The following WDR72 variants were observed in gnomAD, a reference collection of about 807,000 sequenced individuals.
WDR72 encodes the protein WD repeat-containing protein 72.
WDR72 carries 120 observed loss-of-function variants against 124.2 expected under a neutral mutation model. The ratio of observed to expected loss-of-function variants is 0.97; its 90% confidence interval spans 0.83 to 1.12. The LOEUF is 1.12. Ranked by LOEUF, WDR72 falls within the 50% of genes most tolerant of loss-of-function variation. WDR72 has a pLI of 0.00. For missense variants in WDR72, 1,387 were observed against 1,278.8 expected (o/e 1.08, Z -1.29); for synonymous variants, 452 against 441.7 (o/e 1.02, Z -0.29).
chr15:53,670,422 C>T (rs2015945449), intron 13 of WDR72, among the ~76,000 whole-genome samples: 1 of 152,138 alleles, frequency 6.6e-6, no homozygotes, highest in Admixed American at 6.6e-5. Context: ...CACTGCTTTC[C>T]CTGTCAGTTC....
At chr15:53,546,198 T>C (rs1350792130) in intron 18 of WDR72, among the ~76,000 whole-genome samples, 6 of 147,880 alleles carry the variant, frequency 4.1e-5, no homozygotes, top group African/African-American at 9.9e-5. Flanking sequence ...CATGCTGCTA[T>C]AAAGACACAT....
intron 14 of WDR72, among the ~76,000 whole-genome samples, chr15:53,637,258 A>G (rs1428655727): frequency 1.3e-5 from 2 of 152,168 alleles, no homozygotes; most frequent in Non-Finnish European, 2.9e-5. Context: ...AAAATGTATT[A>G]ACATTAGGAT....
intron 13 of WDR72, among the ~76,000 whole-genome samples, chr15:53,697,411 CTATG>C (rs1294243026): frequency 5.9e-5 from 9 of 152,242 alleles, no homozygotes; most frequent in Non-Finnish European, 8.8e-5. Flanking sequence ...CCTCCCCTCT[CTATG>C]TGAGTCCTCC....
chr15:53,630,241 C>T (rs1424659781), intron 14 of WDR72, among the ~76,000 whole-genome samples: 1 of 152,170 alleles, frequency 6.6e-6, no homozygotes, highest in East Asian at 1.9e-4. Context: ...TAGAAAAGAC[C>T]AGGTCCAGAT....
At chr15:53,577,082 A>C (rs2011654815) in intron 18 of WDR72, among the ~76,000 whole-genome samples, 1 of 152,172 alleles carries the variant, frequency 6.6e-6, no homozygotes, top group African/African-American at 2.4e-5. Flanking sequence ...CCAAAAGACT[A>C]GGATGCTGTT....
chr15:53,535,364 G>A (rs1161839981), intron 18 of WDR72, among the ~76,000 whole-genome samples: 1 of 152,040 alleles, frequency 6.6e-6, no homozygotes, highest in Non-Finnish European at 1.5e-5. Context: ...TCCCATGCTG[G>A]GTATCGACAG....
chr15:53,543,688 A>T lies in WDR72; in HGVS notation c.3149-20366T>A, dbSNP rs569642942. ...ATAGAGACACAAAAAACCGTTCAAAAAATTAATGAATCCAGGAGCTGTTTT... is the reference window on the plus strand; with the variant it reads ...ATAGAGACACAAAAAACCGTTCAAATAATTAATGAATCCAGGAGCTGTTTT... On this transcript the variant is annotated intron_variant, in intron 18 of 19. Transcript: ENST00000360509. Among the ~76,000 whole-genome samples, 14 of 152,168 alleles carry T rather than the reference A, an allele frequency of 9.2e-5. No homozygotes were observed. The East Asian group carries it at 2.7e-3, about 29-fold the overall frequency.
At chr15:53,757,410 G>T (rs1177635345) in intron 1 of WDR72, among the ~76,000 whole-genome samples, 1 of 152,026 alleles carries the variant, frequency 6.6e-6, no homozygotes, top group Non-Finnish European at 1.5e-5. Context: ...ATCACTAGAG[G>T]TCAGGAGTTC....
chr15:53,546,717 T>C (rs981424239), intron 18 of WDR72, among the ~76,000 whole-genome samples: 5 of 147,020 alleles, frequency 3.4e-5, no homozygotes, highest in African/African-American at 1.2e-4. Context: ...TTTAACAAAA[T>C]AATCAATAAA....
intron 14 of WDR72, 22 bp downstream of exon 14, chr15:53,665,550 C>A (rs779946566): frequency 6.2e-7 from 1 of 1,613,236 alleles, no homozygotes; most frequent in Admixed American, 1.7e-5. Context: ...TCTTTGTGAA[C>A]AACAGCTTGA....
chr15:53,556,832 G>A lies in WDR72; in HGVS notation c.3149-33510C>T, dbSNP rs181695530. On this transcript the variant is annotated intron_variant, in intron 18 of 19. Transcript: ENST00000360509. ...CAGAAATGTAAATTATGAGTATAGCGCATGCTGAGTACATGTGGAAAGGTT... is the reference window on the plus strand; with the variant it reads ...CAGAAATGTAAATTATGAGTATAGCACATGCTGAGTACATGTGGAAAGGTT... Among the ~76,000 whole-genome samples the A allele has an allele frequency of 5.2e-4, 79 of 152,136 alleles. 1 individual carries two copies. The East Asian group carries it at 0.013, about 25-fold the overall frequency.
intron 18 of WDR72, among the ~76,000 whole-genome samples, chr15:53,548,364 C>G (rs142400739): frequency 6.6e-6 from 1 of 152,254 alleles, no homozygotes; most frequent in East Asian, 1.9e-4. Flanking sequence ...TGGGAGGGCT[C>G]GGGCTCTCAG....
At chr15:53,684,112 A>G (rs2016504838) in intron 13 of WDR72, 2 of 152,234 alleles carry the variant, frequency 1.3e-5, no homozygotes, top group Admixed American at 1.3e-4. Context: ...TAATATATAA[A>G]AGAAAGAAAA....
intron 14 of WDR72, among the ~76,000 whole-genome samples, chr15:53,661,606 C>T (rs1003095544): frequency 5.3e-5 from 8 of 152,036 alleles, no homozygotes; most frequent in Non-Finnish European, 8.8e-5. Flanking sequence ...AAATACTTAT[C>T]CCTGGTCTAG....
rs895907009 is a variant in WDR72, at chr15:53,631,397, A to G, written c.1963-15154T>C. On this transcript the variant is annotated intron_variant, in intron 14 of 19. Transcript: ENST00000360509. ...TAAACCAATTAAACCTCCTTTCTTT[A>G]TAAATTACCCAGTCTCAGGTGTTTC... Among the ~76,000 whole-genome samples the G allele has an allele frequency of 3.3e-5, 5 of 152,190 alleles. 1 individual carries two copies. The highest frequency in any genetic ancestry group is 2.0e-4 in the Admixed American group (3 of 15,284).
At chr15:53,701,533 C>CCTCTCTCTCTCT (rs1257852154) in intron 12 of WDR72, among the ~76,000 whole-genome samples, 12 of 56,276 alleles carry the variant, frequency 2.1e-4, no homozygotes, top group Admixed American at 1.4e-3. Flanking sequence ...AAAGTGAGAC[C>CCTCTCTCTCTCT]CTGTCTCTCT....
chr15:53,651,560 T>C (rs2015241317), intron 14 of WDR72, among the ~76,000 whole-genome samples: 1 of 152,198 alleles, frequency 6.6e-6, no homozygotes, highest in Non-Finnish European at 1.5e-5. Context: ...GACACAGTAA[T>C]TCTTTGTTTT....
chr15:53,713,621 T>TC (rs929061216), intron 6 of WDR72, among the ~76,000 whole-genome samples: 9 of 151,474 alleles, frequency 5.9e-5, no homozygotes, highest in African/African-American at 2.2e-4. Context: ...CTGCTAAATT[T>TC]TTTTTTTTGT....
intron 18 of WDR72, among the ~76,000 whole-genome samples, chr15:53,576,046 A>G (rs1894743172): frequency 2.6e-5 from 4 of 152,148 alleles, no homozygotes; most frequent in African/African-American, 9.7e-5. Flanking sequence ...AGTACCTACA[A>G]TATGGCATAC....
Sources: allele counts gnomAD v4.1 joint callset (sites outside exome capture counted in the v4.1 genomes callset), GRCh38; gene constraint gnomAD v4.1.1; transcripts MANE v1.5; gene names NCBI Gene and HGNC (gene_info 2026-07-23, HGNC 2026-07-21).